Variants in ZNF148 observed in about 807,000 individuals in gnomAD.
ZNF148 encodes the protein zinc finger protein 148.
A neutral mutation model predicts 67.7 loss-of-function variants in ZNF148; 7 were observed. The observed-to-expected ratio is 0.10, with a 90% CI of 0.06 to 0.19. The LOEUF (loss-of-function observed/expected upper bound fraction) is 0.19. Among genes scored for constraint, ZNF148 ranks in the 10% least tolerant of loss-of-function variants. ZNF148 has a pLI of 1.00. For missense variants in ZNF148, 583 were observed against 947.1 expected, an observed-to-expected ratio of 0.62 and a Z score of 5.05; for synonymous variants, 333 against 330.7, an observed-to-expected ratio of 1.01 and a Z score of -0.08.
At chr3:125,241,209 G>C (rs904269176) in intron 7 of ZNF148, among the ~76,000 whole-genome samples, 1 of 151,714 alleles carries the variant, frequency 6.6e-6, no homozygotes, top group African/African-American at 2.4e-5. Flanking sequence ...CACTTAAAAA[G>C]AGTATACAGG....
At chr3:125,321,016 G>A (rs1232078161) in intron 3 of ZNF148, among the ~76,000 whole-genome samples, 2 of 152,092 alleles carry the variant, frequency 1.3e-5, no homozygotes, top group Non-Finnish European at 2.9e-5. Flanking sequence ...TTATTCTGAA[G>A]AAGTTTTGTA....
At chr3:125,361,098 C>T (rs1340175276) in intron 1 of ZNF148, among the ~76,000 whole-genome samples, 1 of 151,944 alleles carries the variant, frequency 6.6e-6, no homozygotes, top group African/African-American at 2.4e-5. Context: ...TTCTCAATTC[C>T]CGTGGCTCAA....
intron 1 of ZNF148, among the ~76,000 whole-genome samples, chr3:125,350,829 T>A (rs2333199): frequency 2.0e-5 from 3 of 151,694 alleles, no homozygotes; most frequent in Non-Finnish European, 4.4e-5. Context: ...CATATATATA[T>A]ACACACACAC....
chr3:125,317,662 T>TAGAGAGAG lies in ZNF148; in HGVS notation c.-16-4014_-16-4007dup, dbSNP rs1553708261. Among the ~76,000 whole-genome samples, 154 of 90,034 alleles carry TAGAGAGAG rather than the reference T, an allele frequency of 1.7e-3. 1 individual carries two copies. Among genetic ancestry groups the TAGAGAGAG allele is most frequent in the East Asian group, 3.9e-3 (16 of 4,060 alleles). 59.1% of individuals were successfully genotyped at this position (90,034 alleles called of 152,430 possible). On this transcript the variant is annotated intron_variant, in intron 3 of 8. Coordinates refer to ENST00000360647, the MANE Select transcript of ZNF148 (RefSeq NM_021964.3). Reference sequence around the variant, plus strand: ...GATCTTTTATATATATATATATATATAGAGAGAGAGAGAGAGAAATACATA... The same window carrying TAGAGAGAG: ...GATCTTTTATATATATATATATATATAGAGAGAGAGAGAGAGAGAGAGAGAAATACATA...
At chr3:125,373,487 T>C (rs1448219306) in intron 1 of ZNF148, among the ~76,000 whole-genome samples, 1 of 152,002 alleles carries the variant, frequency 6.6e-6, no homozygotes, top group African/African-American at 2.4e-5. Context: ...TCTGGTCTGG[T>C]GTGAGCTCAG....
At chr3:125,328,530 G>A (rs1055921087) in intron 2 of ZNF148, among the ~76,000 whole-genome samples, 2 of 151,874 alleles carry the variant, frequency 1.3e-5, no homozygotes, top group African/African-American at 2.4e-5. Context: ...TTTTAATAGT[G>A]TGTAAAATTT....
At chr3:125,258,500 GAT>G (rs1193233232) in intron 7 of ZNF148, among the ~76,000 whole-genome samples, 7 of 149,204 alleles carry the variant, frequency 4.7e-5, no homozygotes, top group African/African-American at 1.5e-4. Context: ...CTGGGCTCAT[GAT>G]ATGATTCTCC....
Position 125,313,628 on chromosome 3 carries a change from C to T in ZNF148, c.13G>A (p.Asp5Asn). 4 of 1,611,972 alleles carry T rather than the reference C, an allele frequency of 2.5e-6. No homozygotes were observed. Among genetic ancestry groups the T allele is most frequent in the Non-Finnish European group, 2.5e-6 (3 of 1,178,250 alleles). Reference protein sequence around the residue: MNIDDKLEGLFLKCG... With the variant: MNIDNKLEGLFLKCG... ...TTAAGAAACAATCCTTCCAGTTTGT[C>T]GTCAATGTTCATGCTTAAGTATAAC... Residue 5 changes from aspartate (D) to asparagine (N), a missense_variant, in exon 4 of 9, where the codon GAC becomes AAC. Transcript: ENST00000360647.
intron 7 of ZNF148, among the ~76,000 whole-genome samples, chr3:125,257,102 C>G (rs1045153453): frequency 3.3e-5 from 5 of 151,362 alleles, no homozygotes; most frequent in Non-Finnish European, 5.9e-5. Flanking sequence ...TCTGATAACT[C>G]TAATCTCTGA....
rs1489955907 is a variant in ZNF148, at chr3:125,228,587, ATT to A, written c.*3752_*3753del. On this transcript the variant is annotated 3_prime_UTR_variant, in exon 9 of 9. Transcript: ENST00000360647. ...CCTTCTAACATAAAGCAGTACTGTGATTTGTTTGTACATATTTACAGATTCTT... is the reference window on the plus strand; with the variant it reads ...CCTTCTAACATAAAGCAGTACTGTGATGTTTGTACATATTTACAGATTCTT... 6.6e-6 allele frequency: 1 copy of A among 152,604 alleles called. No homozygotes were observed. The highest frequency in any genetic ancestry group is 2.4e-5 in the African/African-American group (1 of 41,456). 9.5% of individuals were successfully genotyped at this position (152,604 alleles called of 1,614,324 possible). A position where few individuals can be genotyped will look rare whatever the true frequency, so the allele number is the denominator to read the frequency against.
intron 4 of ZNF148, among the ~76,000 whole-genome samples, chr3:125,297,967 A>G (rs1308966074): frequency 2.6e-5 from 4 of 152,218 alleles, no homozygotes; most frequent in African/African-American, 4.8e-5. Context: ...AATGACTATT[A>G]GACTAGAATA....
chr3:125,270,612 ACTTAT>A (rs950850731), intron 7 of ZNF148, among the ~76,000 whole-genome samples: 13 of 152,210 alleles, frequency 8.5e-5, no homozygotes, highest in Admixed American at 5.2e-4. Context: ...GAGTAGAGAA[ACTTAT>A]CTTGTTTCAG....
intron 7 of ZNF148, among the ~76,000 whole-genome samples, chr3:125,276,084 A>G (rs1938047078): frequency 6.6e-6 from 1 of 152,176 alleles, no homozygotes; most frequent in Non-Finnish European, 1.5e-5. Context: ...TCTGTTATCT[A>G]TTTCTGGTGC....
chr3:125,254,369 G>A (rs1198530496), intron 7 of ZNF148, among the ~76,000 whole-genome samples: 3 of 152,078 alleles, frequency 2.0e-5, no homozygotes, highest in African/African-American at 4.8e-5. Context: ...GGGTACATGG[G>A]CTATATATGT....
chr3:125,350,220 C>T (rs188878504), intron 1 of ZNF148, among the ~76,000 whole-genome samples: 32 of 152,204 alleles, frequency 2.1e-4, no homozygotes, highest in Admixed American at 1.2e-3. Context: ...AGTGCAGTGG[C>T]GCAATCTCGG....
rs1316528594 is a variant in ZNF148 at position 125,228,267 on chromosome 3, T to A, written c.*4074A>T. ...GTGTGATGGGCACTAAGTTTTGCGG[T>A]CTTCCTCCATCTTGCAGAAGAGTGG... On this transcript the variant is annotated 3_prime_UTR_variant, in exon 9 of 9. Coordinates refer to ENST00000360647, the MANE Select transcript of ZNF148 (RefSeq NM_021964.3). 2.0e-5 allele frequency: 3 copies of A among 152,508 alleles called. No homozygotes were observed. The highest frequency in any genetic ancestry group is 7.2e-5 in the African/African-American group (3 of 41,402). The allele number at this position is 152,508 out of a possible 1,614,324, so 9.4% of individuals were successfully genotyped here.
In ZNF148 at chr3:125,367,351, T is replaced by C. The variant is rs190412940; in HGVS notation, c.-234+7751A>G. Reference sequence around the variant, plus strand: ...TCTTTTCCCTCCTTCAGAATCATGCTTTCTATCAGATACCACCTTTCCTTC... The same window carrying C: ...TCTTTTCCCTCCTTCAGAATCATGCCTTCTATCAGATACCACCTTTCCTTC... On this transcript the variant is annotated intron_variant, in intron 1 of 8. Coordinates refer to ENST00000360647, the MANE Select transcript of ZNF148 (RefSeq NM_021964.3). Among the ~76,000 whole-genome samples the C allele has an allele frequency of 1.5e-4, 23 of 152,342 alleles. 2 individuals carry two copies. The East Asian group carries it at 4.0e-3, about 27-fold the overall frequency.
intron 4 of ZNF148, among the ~76,000 whole-genome samples, chr3:125,295,499 A>C (rs1939236629): frequency 6.6e-6 from 1 of 152,124 alleles, no homozygotes; most frequent in African/African-American, 2.4e-5. Flanking sequence ...ATGAAACATT[A>C]GAAGACTTGG....
At chr3:125,243,642 C>T (rs1936464737) in intron 7 of ZNF148, among the ~76,000 whole-genome samples, 1 of 152,084 alleles carries the variant, frequency 6.6e-6, no homozygotes. Context: ...CCAACTTCAG[C>T]CTCCCAAGTA....
Sources: gnomAD v4.1 joint callset for allele counts (sites outside exome capture counted in the v4.1 genomes callset) on GRCh38, gnomAD v4.1.1 for gene constraint, MANE v1.5 for transcripts, NCBI Gene and HGNC (gene_info 2026-07-23, HGNC 2026-07-21) for gene names.